Variants in VAPB observed in about 807,000 individuals in gnomAD.
VAPB encodes the protein VAMP associated protein B and C.
A neutral mutation model predicts 25.6 loss-of-function variants in VAPB; 7 were observed. That is an observed-to-expected ratio of 0.27 (90% CI 0.16 to 0.51). The LOEUF (loss-of-function observed/expected upper bound fraction) is 0.51, where lower values mean the gene tolerates loss of function less well. VAPB is among the 20% of genes least tolerant of loss of function. VAPB has a pLI of 0.97. For missense variants in VAPB, 266 were observed against 301.3 expected (o/e 0.88, Z 0.87); for synonymous variants, 112 against 109.2 (o/e 1.03, Z -0.16).
chr20:58,396,128 A>T (rs1292146064), intron 1 of VAPB, among the ~76,000 whole-genome samples: 3 of 152,012 alleles, frequency 2.0e-5, no homozygotes, highest in Non-Finnish European at 4.4e-5. Flanking sequence ...TTTTAATAAC[A>T]TTTTTTTATT....
Position 58,444,704 on chromosome 20 carries a change from G to A in VAPB, c.*469G>A, listed in dbSNP as rs2123106145. ...ACTCCCGGCCCAGGCTGCTTTCCGT[G>A]TCTTCAGTTCTGTCCAAGCCATCAG... On this transcript the variant is annotated 3_prime_UTR_variant, in exon 6 of 6. Transcript: ENST00000475243. The A allele has an allele frequency of 2.2e-6, 1 of 454,454 alleles. No individual in the cohort carries two copies. The highest frequency in any genetic ancestry group is 6.9e-4 in the Middle Eastern group (1 of 1,444). The allele number at this position is 454,454 out of a possible 1,614,324, so 28.2% of individuals were successfully genotyped here.
chr20:58,401,843 A>AT (rs1988103602), intron 1 of VAPB, among the ~76,000 whole-genome samples: 1 of 151,808 alleles, frequency 6.6e-6, no homozygotes, highest in Admixed American at 6.6e-5. Flanking sequence ...CCACCTTTTC[A>AT]TTTTTTCCTC....
At chr20:58,415,301 G>T (rs1988512042) in intron 1 of VAPB, among the ~76,000 whole-genome samples, 1 of 152,202 alleles carries the variant, frequency 6.6e-6, no homozygotes, top group South Asian at 2.1e-4. Flanking sequence ...TTCATTTTCA[G>T]TTCATTAGTG....
At chr20:58,414,998 G>A (rs111510560) in intron 1 of VAPB, among the ~76,000 whole-genome samples, 2,012 of 152,364 alleles carry the variant, frequency 0.013, 19 homozygotes, top group African/African-American at 0.046. Flanking sequence ...CGAGGCCGGC[G>A]GATCACTTGC....
rs1483015751 is a variant in VAPB at position 58,448,903 on chromosome 20, G to T, written c.*4668G>T. The T allele has an allele frequency of 2.2e-6, 1 of 454,106 alleles. No individual in the cohort carries two copies. Among genetic ancestry groups the T allele is most frequent in the Admixed American group, 2.3e-5 (1 of 42,578 alleles). The allele number at this position is 454,106 out of a possible 1,614,324, so 28.1% of individuals were successfully genotyped here. On this transcript the variant is annotated 3_prime_UTR_variant, in exon 6 of 6. Coordinates refer to ENST00000475243, the MANE Select transcript of VAPB (RefSeq NM_004738.5). Reference sequence around the variant, plus strand: ...CCGTCTCGGCAAGGAGATGATGGGAGCGCTTTATATGGAGGCTTTACATGA... The same window carrying T: ...CCGTCTCGGCAAGGAGATGATGGGATCGCTTTATATGGAGGCTTTACATGA...
intron 1 of VAPB, among the ~76,000 whole-genome samples, chr20:58,392,553 A>G (rs533093419): frequency 2.0e-5 from 3 of 152,300 alleles, no homozygotes; most frequent in East Asian, 3.9e-4. Context: ...TAGAGACTGA[A>G]TACCCTGACT....
At chr20:58,396,247 A>G (rs1987956026) in intron 1 of VAPB, among the ~76,000 whole-genome samples, 1 of 152,174 alleles carries the variant, frequency 6.6e-6, no homozygotes, top group South Asian at 2.1e-4. Flanking sequence ...ACCTGTGTCA[A>G]GTGATGTCTT....
At position 58,447,559 on chromosome 20, in the gene VAPB, C is replaced by T. The variant is rs775456374; in HGVS notation, c.*3324C>T. 4.4e-6 allele frequency: 2 copies of T among 453,946 alleles called. No homozygotes were observed. The highest frequency in any genetic ancestry group is 1.4e-4 in the East Asian group (2 of 14,406). 28.1% of individuals were successfully genotyped at this position (453,946 alleles called of 1,614,324 possible). On this transcript the variant is annotated 3_prime_UTR_variant, in exon 6 of 6. Transcript: ENST00000475243. ...GAATTGCTATCGAAAGATATCATTGCCCAGTTTGCAGGCTATGTTGAGTCA... is the reference window on the plus strand; with the variant it reads ...GAATTGCTATCGAAAGATATCATTGTCCAGTTTGCAGGCTATGTTGAGTCA...
At chr20:58,421,929 C>G (rs1426424716) in intron 2 of VAPB, among the ~76,000 whole-genome samples, 1 of 152,176 alleles carries the variant, frequency 6.6e-6, no homozygotes, top group African/African-American at 2.4e-5. Context: ...CATTGTGCTT[C>G]AAAAGTTCAG....
At chr20:58,402,114 GTCTTCCTGTTGCCAAAAATAAAGT>G (rs1324126514) in intron 1 of VAPB, among the ~76,000 whole-genome samples, 1 of 152,184 alleles carries the variant, frequency 6.6e-6, no homozygotes, top group Non-Finnish European at 1.5e-5. Flanking sequence ...ATCATTAAAT[GTCTTCCTGTTGCCAAAAATAAAGT>G]TTAAATTCTT....
chr20:58,443,237 A>T (rs77783217), intron 5 of VAPB, among the ~76,000 whole-genome samples: 1 of 152,262 alleles, frequency 6.6e-6, no homozygotes, highest in Non-Finnish European at 1.5e-5. Flanking sequence ...TCAATGAGAA[A>T]TCTATGCATT....
chr20:58,443,825 C>G (rs1158730846), intron 5 of VAPB, among the ~76,000 whole-genome samples: 1 of 151,886 alleles, frequency 6.6e-6, no homozygotes, highest in Non-Finnish European at 1.5e-5. Flanking sequence ...CAAGGAGCAC[C>G]CTGTTTAGAT....
intron 1 of VAPB, chr20:58,390,411 G>A (rs1215993099): frequency 1.3e-5 from 2 of 150,772 alleles, no homozygotes; most frequent in East Asian, 3.9e-4. Context: ...CTTCACCAGG[G>A]CCACGAGGTA....
chr20:58,417,979 C>T (rs1988581629), intron 1 of VAPB, among the ~76,000 whole-genome samples: 1 of 152,072 alleles, frequency 6.6e-6, no homozygotes, highest in South Asian at 2.1e-4. Flanking sequence ...CAATGAGATG[C>T]CATATGTTAG....
chr20:58,436,992 C>CTTTTTTTTTTT (rs34944837), intron 3 of VAPB, among the ~76,000 whole-genome samples: 3 of 77,428 alleles, frequency 3.9e-5, no homozygotes, highest in Admixed American at 1.6e-4. Context: ...AAACTTTGAA[C>CTTTTTTTTTTT]TTTTTTTTTT....
intron 3 of VAPB, among the ~76,000 whole-genome samples, chr20:58,437,311 CT>C (rs1989070652): frequency 6.6e-6 from 1 of 151,878 alleles, no homozygotes; most frequent in Non-Finnish European, 1.5e-5. Context: ...GGCCAGTTGA[CT>C]TACAGAATGT....
chr20:58,404,304 C>A lies in VAPB; in HGVS notation c.59-13907C>A, dbSNP rs556047039. Among the ~76,000 whole-genome samples, 50 of 152,270 alleles carry A rather than the reference C, an allele frequency of 3.3e-4. No homozygotes were observed. The East Asian group carries it at 7.1e-3, about 22-fold the overall frequency. ...TCTTTCCAGCCTCAGCTTCTTTCAC[C>A]CCTCTCGTACCCCTTCCTCTTCAGC... is the stretch of plus-strand genomic sequence containing the variant. On this transcript the variant is annotated intron_variant, in intron 1 of 5. Transcript: ENST00000475243.
intron 3 of VAPB, among the ~76,000 whole-genome samples, chr20:58,436,327 C>CTTTTTTTTTTT (rs57100987): frequency 5.2e-5 from 6 of 114,964 alleles, no homozygotes; most frequent in African/African-American, 1.7e-4. Context: ...GTTTTTCTTC[C>CTTTTTTTTTTT]TTTTTTTTTT....
At chr20:58,418,156 A>G (rs1988587732) in intron 1 of VAPB, 55 bp from the exon 2 acceptor site, 6 of 1,612,034 alleles carry the variant, frequency 3.7e-6, no homozygotes, top group Non-Finnish European at 5.1e-6. Context: ...CTTTTCCACA[A>G]ACCTTCTAAA....
Sources: allele counts gnomAD v4.1 joint callset (sites outside exome capture counted in the v4.1 genomes callset), GRCh38; gene constraint gnomAD v4.1.1; transcripts MANE v1.5; gene names NCBI Gene and HGNC (gene_info 2026-07-23, HGNC 2026-07-21).